Variants in GTPBP1 observed in about 807,000 individuals in gnomAD.
GTPBP1 encodes GTP binding protein 1, also known as GTP-binding protein 1.
Under a neutral mutation model 62.0 loss-of-function variants are expected in GTPBP1, and 23 were observed. That is an observed-to-expected ratio of 0.37 (90% confidence interval 0.27 to 0.53). GTPBP1 has a LOEUF of 0.53. GTPBP1 is among the 20% of genes least tolerant of loss of function. The probability of loss-of-function intolerance (pLI) is 0.89; values close to 1 mark genes in which losing one functional copy is unlikely to be tolerated. For missense variants in GTPBP1, 640 were observed against 917.3 expected (o/e 0.70, Z 3.90); for synonymous variants, 344 against 364.4 (o/e 0.94, Z 0.64).
intron 5 of GTPBP1, chr22:38,723,458 T>G (rs1031191462): frequency 9.4e-7 from 1 of 1,067,654 alleles, no homozygotes; most frequent in Non-Finnish European, 1.4e-6. Context: ...GGCACTCACA[T>G]GTCGGGCAGC....
intron 5 of GTPBP1, chr22:38,722,864 C>T (rs528670135): frequency 1.4e-6 from 2 of 1,466,716 alleles, no homozygotes; most frequent in East Asian, 2.3e-5. Flanking sequence ...GGAACGCCTT[C>T]ACCAAGTGGA....
downstream of GTPBP1, chr22:38,741,176 C>T: frequency 1.9e-6 from 2 of 1,047,976 alleles, no homozygotes; most frequent in Non-Finnish European, 1.4e-6. Context: ...TTGACCCCTG[C>T]AGCAAAAATC....
chr22:38,724,406 T>G lies in GTPBP1; in HGVS notation c.1068T>G (p.Ser356=). ...DVIVTASNFS[S]ERMCPIFQIS... Reference sequence around the variant, plus strand: ...TTGTCACAGCCTCCAACTTCAGCTCTGAAAGGTAACGCGTGGGGAGCGCAC... The same window carrying G: ...TTGTCACAGCCTCCAACTTCAGCTCGGAAAGGTAACGCGTGGGGAGCGCAC... The change falls in exon 6 of 12, where the codon TCT becomes TCG. Residue 356 remains serine, a synonymous_variant. Transcript: ENST00000216044. 1 of 1,593,956 alleles carries G rather than the reference T, an allele frequency of 6.3e-7. No individual in the cohort carries two copies. Among genetic ancestry groups the G allele is most frequent in the Non-Finnish European group, 8.6e-7 (1 of 1,161,584 alleles).
In GTPBP1 at chr22:38,717,025, G is replaced by T. The variant is rs117911959; in HGVS notation, c.834+25G>T. On this transcript the variant is annotated intron_variant, in intron 4 of 11. Transcript: ENST00000216044. ...GGTGAGTGGGAGGCGCCCCAAGGAGGGGAGGCGTCAGCAGGGCTGCTTGGG... is the reference window on the plus strand; with the variant it reads ...GGTGAGTGGGAGGCGCCCCAAGGAGTGGAGGCGTCAGCAGGGCTGCTTGGG... 9 of 1,452,394 alleles carry T rather than the reference G, an allele frequency of 6.2e-6. No individual in the cohort carries two copies. In the South Asian group the frequency reaches 9.3e-5, roughly 15 times the overall value. 90.0% of individuals were successfully genotyped at this position (1,452,394 alleles called of 1,614,324 possible).
rs189666668 is a variant in GTPBP1 at position 38,716,133 on chromosome 22, G to T, written c.485+46G>T. The T allele has an allele frequency of 3.2e-4, 467 of 1,465,950 alleles. 2 individuals carry two copies. In the East Asian group the frequency reaches 0.011, roughly 34 times the overall value. 90.8% of individuals were successfully genotyped at this position (1,465,950 alleles called of 1,614,324 possible). ...TTTGGGGTCCCCATTCTTCACAGAG[G>T]TTGGTGACTGAGCCTGTGGCACTTG... On this transcript the variant is annotated intron_variant, in intron 3 of 11. Coordinates refer to ENST00000216044, the MANE Select transcript of GTPBP1 (RefSeq NM_004286.5). This position sits in a 1 kb window ranked among gnomAD's most constrained non-coding sequence, Gnocchi z 5.2.
chr22:38,715,906 G>C lies in GTPBP1; in HGVS notation c.305-1G>C. 2 of 1,606,182 alleles carry C rather than the reference G, an allele frequency of 1.2e-6. No homozygotes were observed. The highest frequency in any genetic ancestry group is 1.7e-6 in the Non-Finnish European group (2 of 1,176,012). On this transcript the variant is annotated splice_acceptor_variant, in intron 2 of 11. Coordinates refer to ENST00000216044, the MANE Select transcript of GTPBP1 (RefSeq NM_004286.5). LOFTEE classifies it high-confidence loss of function. ...GCTGATGTCTGGGCTCTTGTCACCAGATGGGACTGAGTATGGGCTGAGTGA... is the reference window on the plus strand; with the variant it reads ...GCTGATGTCTGGGCTCTTGTCACCACATGGGACTGAGTATGGGCTGAGTGA...
intron 10 of GTPBP1, 134 bp from the exon 11 acceptor site, chr22:38,729,328 A>G: frequency 1.6e-6 from 1 of 618,558 alleles, no homozygotes. Context: ...CCTTCCTGCC[A>G]TCTGCCTTGC....
chr22:38,728,240 GAGGT>G, intron 10 of GTPBP1, 79 bp downstream of exon 10: 1 of 1,028,062 alleles, frequency 9.7e-7, no homozygotes, highest in Non-Finnish European at 1.5e-6. Flanking sequence ...GTGCAGGGCA[GAGGT>G]TTAGTCACTG....
chr22:38,715,097 G>A (rs188112799), intron 2 of GTPBP1, among the ~76,000 whole-genome samples: 1 of 151,994 alleles, frequency 6.6e-6, no homozygotes, highest in South Asian at 2.1e-4. Context: ...ATTATCTCTT[G>A]CCTGCATTAT....
chr22:38,735,020 A>G (rs2092790230), downstream of GTPBP1: 5 of 297,696 alleles, frequency 1.7e-5, no homozygotes, highest in South Asian at 8.0e-5. Flanking sequence ...ACGGCCAGGA[A>G]CAAGAAACTG....
intron 5 of GTPBP1, chr22:38,723,375 A>G: frequency 1.2e-6 from 1 of 861,540 alleles, no homozygotes; most frequent in Non-Finnish European, 2.0e-6. Context: ...CCAGACCATA[A>G]TATGTTTGTC....
At chr22:38,742,543 C>A, downstream of GTPBP1, 1 of 1,611,302 alleles carries the variant, frequency 6.2e-7, no homozygotes, top group Non-Finnish European at 8.5e-7. Flanking sequence ...CGGGACATAA[C>A]ACGCTGCTCA....
At chr22:38,710,574 A>G (rs759887468) in intron 2 of GTPBP1, among the ~76,000 whole-genome samples, 6 of 152,178 alleles carry the variant, frequency 3.9e-5, no homozygotes, top group Non-Finnish European at 7.3e-5. Flanking sequence ...GAGAGAGTTG[A>G]TTAGCATTAT....
downstream of GTPBP1, chr22:38,740,850 G>A: frequency 3.8e-6 from 3 of 784,984 alleles, no homozygotes; most frequent in Non-Finnish European, 4.2e-6. The surrounding 1 kb of genome is among the most constrained non-coding windows in gnomAD (Gnocchi z 4.8). Flanking sequence ...ACAGGCCCTG[G>A]GCAGGGGTCC....
Position 38,726,150 on chromosome 22 carries a change from G to A in GTPBP1, c.1218G>A (p.Pro406=), listed in dbSNP as rs1333387460. 4 of 1,611,196 alleles carry A rather than the reference G, an allele frequency of 2.5e-6. No homozygotes were observed. Among genetic ancestry groups the A allele is most frequent in the African/African-American group, 1.3e-5 (1 of 74,850 alleles). The change falls in exon 7 of 12, where the codon CCG becomes CCA. Residue 406 remains proline (P), a splice_region_variant and synonymous_variant. Transcript: ENST00000216044. The surrounding 1 kb of genome is among the most constrained non-coding windows in gnomAD (Gnocchi z 4.1). ...AGATTGATGACACCTACTCCGTCCC[G>A]GTAAGTGGCTCTGGGCGGGTAGCTG... ...EFQIDDTYSV[P]GVGTVVSGTT...
At chr22:38,738,988 C>T, downstream of GTPBP1, 2 of 1,607,908 alleles carry the variant, frequency 1.2e-6, no homozygotes, top group Non-Finnish European at 1.7e-6. This position sits in a 1 kb window ranked among gnomAD's most constrained non-coding sequence, Gnocchi z 6.6. Context: ...GACGCTGGCC[C>T]CTGAGACAGG....
At chr22:38,723,682 A>G (rs2092712626) in intron 5 of GTPBP1, among the ~76,000 whole-genome samples, 2 of 152,202 alleles carry the variant, frequency 1.3e-5, no homozygotes, top group Admixed American at 1.3e-4. Context: ...TGAGATCCTG[A>G]ATCTGGCACC....
At chr22:38,722,099 A>G (rs2092703454) in intron 5 of GTPBP1, among the ~76,000 whole-genome samples, 1 of 152,260 alleles carries the variant, frequency 6.6e-6, no homozygotes, top group South Asian at 2.1e-4. Context: ...ACTATCCTTT[A>G]TAATCCGTTA....
chr22:38,715,435 C>A (rs1024692894), intron 2 of GTPBP1, among the ~76,000 whole-genome samples: 1 of 152,212 alleles, frequency 6.6e-6, no homozygotes, highest in African/African-American at 2.4e-5. Flanking sequence ...CTTCCTCCTT[C>A]TGCAGGCCCA....
Sources: allele counts gnomAD v4.1 joint callset (sites outside exome capture counted in the v4.1 genomes callset), GRCh38; gene constraint gnomAD v4.1.1; non-coding constraint Gnocchi (gnomAD v3.1); transcripts MANE v1.5; gene names NCBI Gene and HGNC (gene_info 2026-07-23, HGNC 2026-07-21).